Variants in CCDC91 observed in about 807,000 individuals in gnomAD.
The protein encoded by CCDC91 is coiled-coil domain containing 91.
A neutral mutation model predicts 63.2 loss-of-function variants in CCDC91; 48 were observed. That is an observed-to-expected ratio of 0.76 (90% CI 0.60 to 0.97). CCDC91 has a LOEUF of 0.97. Among genes scored for constraint, CCDC91 ranks in the 50% least tolerant of loss-of-function variants. The probability of loss-of-function intolerance (pLI) is 0.00; values close to 1 mark genes in which losing one functional copy is unlikely to be tolerated. For missense variants in CCDC91, 500 were observed against 494.6 expected (o/e 1.01, Z -0.10); for synonymous variants, 167 against 165.8 (o/e 1.01, Z -0.06).
intron 6 of CCDC91, among the ~76,000 whole-genome samples, chr12:28,339,399 A>T (rs1036425286): frequency 2.0e-5 from 3 of 152,102 alleles, no homozygotes; most frequent in African/African-American, 7.2e-5. Flanking sequence ...TGAACCTGGC[A>T]TTAGGGGTTT....
intron 12 of CCDC91, among the ~76,000 whole-genome samples, chr12:28,532,989 C>T (rs73087967): frequency 0.043 from 6,502 of 152,090 alleles, 308 homozygotes; most frequent in African/African-American, 0.12. Context: ...TCAAAACTTA[C>T]GGGTTAGTAG....
intron 12 of CCDC91, among the ~76,000 whole-genome samples, chr12:28,487,587 G>A (rs2140960687): frequency 6.6e-6 from 1 of 151,152 alleles, no homozygotes. Context: ...TTTGGAAGAT[G>A]GATTTCTATT....
chr12:28,444,438 T>C (rs1051754061), intron 8 of CCDC91, among the ~76,000 whole-genome samples: 1 of 152,180 alleles, frequency 6.6e-6, no homozygotes, highest in Non-Finnish European at 1.5e-5. Flanking sequence ...TGGAGAATAG[T>C]ACCAATATAA....
At chr12:28,324,938 AAC>A (rs1452027194) in intron 6 of CCDC91, among the ~76,000 whole-genome samples, 14 of 152,046 alleles carry the variant, frequency 9.2e-5, no homozygotes, top group East Asian at 5.8e-4. Flanking sequence ...TTAAATGTAT[AAC>A]ACATAATTTT....
At position 28,267,833 on chromosome 12, in the gene CCDC91, A is replaced by T. The variant is rs1448602108; in HGVS notation, c.109+8391A>T. Among the ~76,000 whole-genome samples the T allele has an allele frequency of 4.7e-3, 90 of 19,126 alleles. 7 individuals carry two copies. The highest frequency in any genetic ancestry group is 0.012 in the South Asian group (8 of 672). 12.5% of individuals were successfully genotyped at this position (19,126 alleles called of 152,430 possible). On this transcript the variant is annotated intron_variant, in intron 3 of 12. Transcript: ENST00000536442. ...ATATATAATTATATTATTAATATATAATTATATATAATTATATAGTAATAT... is the reference window on the plus strand; with the variant it reads ...ATATATAATTATATTATTAATATATTATTATATATAATTATATAGTAATAT...
chr12:28,201,001 G>A (rs1942221376), intron 1 of CCDC91, among the ~76,000 whole-genome samples: 1 of 127,036 alleles, frequency 7.9e-6, no homozygotes, highest in African/African-American at 3.2e-5. Context: ...CGGGCGGGGG[G>A]CTGACCCCCC....
chr12:28,237,964 C>G lies in CCDC91; in HGVS notation c.-14-19238C>G, dbSNP rs143214151. The stretch of plus-strand genomic sequence containing the variant: ...TTAATATCAGCTCCACAGATGAGCC[C>G]TCTTTTACTAATTAATTCTTAATTT... On this transcript the variant is annotated intron_variant, in intron 1 of 12. Coordinates refer to ENST00000536442, the MANE Select transcript of CCDC91 (RefSeq NM_018318.5). 1.1e-3 allele frequency among the ~76,000 whole-genome samples: 164 copies of G among 152,244 alleles called. 2 individuals carry two copies. The highest frequency in any genetic ancestry group is 3.8e-3 in the African/African-American group (158 of 41,566).
intron 3 of CCDC91, among the ~76,000 whole-genome samples, chr12:28,304,362 G>T (rs1322541079): frequency 8.0e-6 from 1 of 124,800 alleles, no homozygotes; most frequent in Admixed American, 9.1e-5. Flanking sequence ...GGGTAACGGG[G>T]TGAGACTCCG....
At chr12:28,274,709 T>C (rs1948068379) in intron 3 of CCDC91, among the ~76,000 whole-genome samples, 2 of 152,296 alleles carry the variant, frequency 1.3e-5, no homozygotes, top group South Asian at 4.1e-4. Context: ...GAGACTTTGC[T>C]GAGGTTGCCT....
At chr12:28,472,369 A>G (rs1367963658) in intron 11 of CCDC91, among the ~76,000 whole-genome samples, 1 of 152,222 alleles carries the variant, frequency 6.6e-6, no homozygotes, top group African/African-American at 2.4e-5. Context: ...GCAAAGGTCA[A>G]GACAGAAGGC....
intron 11 of CCDC91, among the ~76,000 whole-genome samples, chr12:28,453,825 A>G (rs1439573302): frequency 6.6e-6 from 1 of 152,060 alleles, no homozygotes. Flanking sequence ...GTTTATTTAA[A>G]TTTGTTTTAT....
chr12:28,191,365 T>C (rs1341556220), intron 1 of CCDC91: 1 of 152,296 alleles, frequency 6.6e-6, no homozygotes, highest in Non-Finnish European at 1.5e-5. Context: ...CTACTCTCAC[T>C]TGCTTCCTTG....
intron 3 of CCDC91, among the ~76,000 whole-genome samples, chr12:28,275,892 G>T (rs967187910): frequency 1.3e-5 from 2 of 152,054 alleles, no homozygotes; most frequent in African/African-American, 4.8e-5. Context: ...CTCAATAGAT[G>T]CCCAAAAGGC....
chr12:28,370,304 A>G (rs572909582), intron 7 of CCDC91, among the ~76,000 whole-genome samples: 1 of 152,312 alleles, frequency 6.6e-6, no homozygotes, highest in Admixed American at 6.5e-5. Flanking sequence ...CAGATATCCT[A>G]AATCATGTCT....
At chr12:28,455,565 C>T (rs1015587316) in intron 11 of CCDC91, among the ~76,000 whole-genome samples, 1 of 152,028 alleles carries the variant, frequency 6.6e-6, no homozygotes, top group African/African-American at 2.4e-5. Flanking sequence ...AGATCATTAT[C>T]TGATAACAAT....
At chr12:28,246,412 G>A (rs1945739599) in intron 1 of CCDC91, among the ~76,000 whole-genome samples, 1 of 152,082 alleles carries the variant, frequency 6.6e-6, no homozygotes, top group African/African-American at 2.4e-5. Context: ...GCACATTCTT[G>A]TGCCTTGATA....
chr12:28,500,603 T>C (rs1937698054), intron 12 of CCDC91, among the ~76,000 whole-genome samples: 1 of 151,740 alleles, frequency 6.6e-6, no homozygotes, highest in Non-Finnish European at 1.5e-5. Flanking sequence ...ACAGAAGGTA[T>C]TGGCAAATAG....
rs1296289216 is a variant in CCDC91 at position 28,198,331 on chromosome 12, T to C, written c.-15+7690T>C. Among the ~76,000 whole-genome samples, 5 of 152,244 alleles carry C rather than the reference T, an allele frequency of 3.3e-5. 1 individual carries two copies. The East Asian group carries it at 9.6e-4, about 29-fold the overall frequency. On this transcript the variant is annotated intron_variant, in intron 1 of 12. Transcript: ENST00000536442. The stretch of plus-strand genomic sequence containing the variant: ...TGCAAGATCCATTAATCTATGAATA[T>C]GCTTCACTGACAGATGGGCTTATAT...
At chr12:28,546,144 A>C (rs2141870363) in intron 12 of CCDC91, among the ~76,000 whole-genome samples, 1 of 152,194 alleles carries the variant, frequency 6.6e-6, no homozygotes, top group East Asian at 1.9e-4. Flanking sequence ...TCCTCCAAAT[A>C]CAACTATCCT....
Sources: gnomAD v4.1 joint callset for allele counts (sites outside exome capture counted in the v4.1 genomes callset) on GRCh38, gnomAD v4.1.1 for gene constraint, MANE v1.5 for transcripts, NCBI Gene and HGNC (gene_info 2026-07-23, HGNC 2026-07-21) for gene names.